The following TTC23L variants were observed in gnomAD, a reference collection of about 807,000 sequenced individuals.
The protein encoded by TTC23L is tetratricopeptide repeat protein 23-like.
In TTC23L, 42 loss-of-function variants were observed where a neutral mutation model predicts 48.1. That is an observed-to-expected ratio of 0.87 (90% CI 0.68 to 1.13). TTC23L has a LOEUF of 1.13. TTC23L is among the 50% of genes most tolerant of loss of function. The pLI, the probability that TTC23L is intolerant of heterozygous loss-of-function variation, is 0.00. For missense variants in TTC23L, 391 were observed against 421.0 expected, an observed-to-expected ratio of 0.93 and a Z score of 0.62; for synonymous variants, 159 against 157.2, an observed-to-expected ratio of 1.01 and a Z score of -0.09.
At chr5:34,881,866 C>T (rs1022987509) in intron 9 of TTC23L, among the ~76,000 whole-genome samples, 3 of 151,264 alleles carry the variant, frequency 2.0e-5, no homozygotes, top group Non-Finnish European at 4.4e-5. Context: ...CAAGTTCAAG[C>T]GATTTTTGTG....
At chr5:34,868,851 CA>C in intron 7 of TTC23L, 53 bp from the exon 8 acceptor site, 1 of 1,475,352 alleles carries the variant, frequency 6.8e-7, no homozygotes, top group Non-Finnish European at 9.3e-7. Context: ...CATCTAAATC[CA>C]CAGTGAACAC....
At chr5:34,915,174 TG>T in the TTC23L span, among the ~76,000 whole-genome samples, 1 of 152,140 alleles carries the variant, frequency 6.6e-6, no homozygotes, top group African/African-American at 2.4e-5. Flanking sequence ...TGAAAAGTTG[TG>T]AAGAATGAAG....
intron 4 of TTC23L, among the ~76,000 whole-genome samples, chr5:34,862,255 T>A (rs10941221): frequency 0.51 from 77,312 of 151,976 alleles, 22,573 homozygotes; most frequent in Non-Finnish European, 0.65. Flanking sequence ...TAGCAATTGC[T>A]TTCTTTTTAT....
chr5:34,875,383 T>C (rs536850899), intron 8 of TTC23L, among the ~76,000 whole-genome samples: 1 of 152,212 alleles, frequency 6.6e-6, no homozygotes, highest in East Asian at 1.9e-4. Flanking sequence ...AGTCCCGCAA[T>C]AGGCCATCTT....
At chr5:34,922,201 ACTTTG>A in the TTC23L span, 1 of 1,454,466 alleles carries the variant, frequency 6.9e-7, no homozygotes, top group Non-Finnish European at 9.5e-7. Flanking sequence ...ATTTTCCTAT[ACTTTG>A]CTTCCTTTAG....
chr5:34,867,317 C>T (rs747761048), intron 7 of TTC23L: 2 of 539,224 alleles, frequency 3.7e-6, no homozygotes, highest in East Asian at 3.2e-5. Flanking sequence ...CCCCCTCCCC[C>T]TCTTATCTCT....
chr5:34,877,333 C>CA (rs1761919320), intron 8 of TTC23L, among the ~76,000 whole-genome samples: 1 of 147,316 alleles, frequency 6.8e-6, no homozygotes, highest in South Asian at 2.1e-4. Context: ...GTCACATCTA[C>CA]AAAAAACCTG....
chr5:34,844,049 A>T (rs1758910244), intron 2 of TTC23L, among the ~76,000 whole-genome samples: 1 of 152,230 alleles, frequency 6.6e-6, no homozygotes, highest in East Asian at 1.9e-4. Context: ...GGCTGCCTTT[A>T]TTGCTACTCC....
chr5:34,910,887 G>C, the TTC23L span, among the ~76,000 whole-genome samples: 1 of 152,194 alleles, frequency 6.6e-6, no homozygotes, highest in African/African-American at 2.4e-5. Flanking sequence ...ATCCTGAAAA[G>C]AGACTTGTGT....
intron 4 of TTC23L, among the ~76,000 whole-genome samples, chr5:34,857,825 G>A (rs1158006921): frequency 6.6e-6 from 1 of 152,146 alleles, no homozygotes; most frequent in Non-Finnish European, 1.5e-5. Flanking sequence ...GGATGTTCAA[G>A]TCATAATGAC....
At chr5:34,846,705 G>GTA (rs1284475400) in intron 3 of TTC23L, among the ~76,000 whole-genome samples, 2 of 128,394 alleles carry the variant, frequency 1.6e-5, no homozygotes, top group African/African-American at 2.9e-5. Flanking sequence ...GTGTGTGTGT[G>GTA]TGTATCCATC....
the TTC23L span, chr5:34,922,038 A>T: frequency 5.3e-6 from 2 of 376,358 alleles, no homozygotes; most frequent in Non-Finnish European, 9.5e-6. Flanking sequence ...TACCTTGGGT[A>T]GAATACCTAA....
At chr5:34,889,828 GT>G (rs63273662) in intron 9 of TTC23L, among the ~76,000 whole-genome samples, 7 of 150,826 alleles carry the variant, frequency 4.6e-5, no homozygotes, top group South Asian at 2.1e-4. Flanking sequence ...ATTAGGTGGG[GT>G]TTTTTTTTGT....
At chr5:34,900,414 C>T (rs1266643195), downstream of TTC23L, among the ~76,000 whole-genome samples, 1 of 151,552 alleles carries the variant, frequency 6.6e-6, no homozygotes, top group Admixed American at 6.6e-5. Context: ...GGAAGGCAGA[C>T]TGCTTGAGCC....
At chr5:34,905,546 C>A in the TTC23L span, 180 of 151,192 alleles carry the variant, frequency 1.2e-3, no homozygotes, top group African/African-American at 4.2e-3. Flanking sequence ...CATCAATTCT[C>A]GGTGGAAGCA....
At chr5:34,925,355 G>A in the TTC23L span, 18 of 1,613,960 alleles carry the variant, frequency 1.1e-5, no homozygotes, top group Non-Finnish European at 1.5e-5. Context: ...AGATGTTTTT[G>A]TAACACCAGC....
At chr5:34,882,489 A>G (rs1762284379) in intron 9 of TTC23L, among the ~76,000 whole-genome samples, 1 of 152,170 alleles carries the variant, frequency 6.6e-6, no homozygotes, top group South Asian at 2.1e-4. Context: ...AAACTGCTGA[A>G]TTTTATAACA....
chr5:34,879,763 C>T (rs529605111), intron 8 of TTC23L, among the ~76,000 whole-genome samples: 6 of 152,130 alleles, frequency 3.9e-5, no homozygotes, highest in South Asian at 4.2e-4. Context: ...TTTGGGAGGC[C>T]GAGGTGGGCG....
chr5:34,889,793 C>G (rs1388915856), intron 9 of TTC23L, among the ~76,000 whole-genome samples: 2 of 151,958 alleles, frequency 1.3e-5, no homozygotes, highest in Non-Finnish European at 2.9e-5. Context: ...TTTAGATATA[C>G]TTTTTCTGAT....
Sources: gnomAD v4.1 joint callset for allele counts (sites outside exome capture counted in the v4.1 genomes callset) on GRCh38, gnomAD v4.1.1 for gene constraint, MANE v1.5 for transcripts, NCBI Gene and HGNC (gene_info 2026-07-23, HGNC 2026-07-21) for gene names.